The following PCDH11X variants were observed in gnomAD, a reference collection of about 807,000 sequenced individuals.
The protein encoded by PCDH11X is protocadherin-11 X-linked.
A neutral mutation model predicts 53.3 loss-of-function variants in PCDH11X; 18 were observed. That is an observed-to-expected ratio of 0.34 (90% CI 0.23 to 0.50). PCDH11X has a LOEUF of 0.50. Ranked by LOEUF, PCDH11X falls within the 20% of genes least tolerant of loss-of-function variation. The pLI is 0.98. For missense variants in PCDH11X, 570 were observed against 1,032.4 expected, an observed-to-expected ratio of 0.55 and a Z score of 6.14; for synonymous variants, 279 against 393.3, an observed-to-expected ratio of 0.71 and a Z score of 3.44.
At chrX:92,087,992 T>C (rs1386541661) in intron 6 of PCDH11X, among the ~76,000 whole-genome samples, 1 of 106,074 alleles carries the variant, frequency 9.4e-6, no homozygotes, top group Admixed American at 1.0e-4. Context: ...GAAATATATA[T>C]AAGCAATTTA....
chrX:92,328,370 A>C (rs1223069083), intron 8 of PCDH11X, among the ~76,000 whole-genome samples: 1 of 110,462 alleles, frequency 9.1e-6, no homozygotes, highest in African/African-American at 3.3e-5. Context: ...CAAATTAACT[A>C]TCTAAGGTTC....
At chrX:92,121,764 T>C (rs1469534951) in intron 6 of PCDH11X, among the ~76,000 whole-genome samples, 3 of 110,217 alleles carry the variant, frequency 2.7e-5, no homozygotes. Context: ...TCTCTCTCTG[T>C]TGCCAGGCTG....
chrX:92,179,731 A>T lies in PCDH11X; in HGVS notation c.3034-21644A>T, dbSNP rs1240430474. On this transcript the variant is annotated intron_variant, in intron 6 of 10. Transcript: ENST00000682573. Reference sequence around the variant, plus strand: ...TCCTTTTGAGCTTATTCAAAAGGCAATTAGAGGTAATACAGTTGTAGAAAT... The same window carrying T: ...TCCTTTTGAGCTTATTCAAAAGGCATTTAGAGGTAATACAGTTGTAGAAAT... Among the ~76,000 whole-genome samples, 3 of 112,116 alleles carry T rather than the reference A, an allele frequency of 2.7e-5. No homozygotes were observed. In the East Asian group the frequency reaches 8.4e-4, roughly 31 times the overall value.
At chrX:92,602,040 G>A (rs1406504293) in intron 10 of PCDH11X, among the ~76,000 whole-genome samples, 1 of 112,016 alleles carries the variant, frequency 8.9e-6, no homozygotes, top group Non-Finnish European at 1.9e-5. Flanking sequence ...GAAGACCAGA[G>A]GATACTTCAC....
intron 5 of PCDH11X, among the ~76,000 whole-genome samples, chrX:91,848,898 C>T (rs1416472357): frequency 1.8e-5 from 2 of 110,826 alleles, no homozygotes; most frequent in African/African-American, 6.6e-5. Context: ...TTCAACTATG[C>T]ATATCAGGAT....
intron 10 of PCDH11X, among the ~76,000 whole-genome samples, chrX:92,521,932 C>A (rs781219962): frequency 2.5e-4 from 28 of 111,259 alleles, no homozygotes; most frequent in African/African-American, 7.8e-4. Context: ...TAGAATTAAT[C>A]TTTTCTCTGG....
At chrX:92,378,856 A>G (rs1205644644) in intron 8 of PCDH11X, among the ~76,000 whole-genome samples, 3 of 113,257 alleles carry the variant, frequency 2.6e-5, no homozygotes, top group African/African-American at 9.6e-5. Context: ...ATTAGTGATT[A>G]TGTTTTAACA....
chrX:91,985,150 GTTTTCTGGTTATTTTTCCATA>G lies in PCDH11X; in HGVS notation c.3033+105880_3033+105900del, dbSNP rs777750085. On this transcript the variant is annotated intron_variant, in intron 6 of 10. Transcript: ENST00000682573. Reference sequence around the variant, plus strand: ...GTTCTATGGGTTTTGTAGCAGGAGAGTTTTCTGGTTATTTTTCCATATTAACAGAAATGGAAATCTACTAGG... The same window carrying G: ...GTTCTATGGGTTTTGTAGCAGGAGAGTTAACAGAAATGGAAATCTACTAGG... Among the ~76,000 whole-genome samples, 811 of 112,202 alleles carry G rather than the reference GTTTTCTGGTTATTTTTCCATA, an allele frequency of 7.2e-3. 5 individuals are homozygous for G. The highest frequency in any genetic ancestry group is 0.025 in the African/African-American group (767 of 30,882).
chrX:92,575,436 T>C (rs1922717586), intron 10 of PCDH11X, among the ~76,000 whole-genome samples: 1 of 109,845 alleles, frequency 9.1e-6, no homozygotes, highest in Middle Eastern at 4.7e-3. Flanking sequence ...GAAAAATTAT[T>C]ATAAATTATT....
intron 9 of PCDH11X, among the ~76,000 whole-genome samples, chrX:92,412,611 T>C (rs2148604647): frequency 9.9e-6 from 1 of 100,702 alleles, no homozygotes; most frequent in East Asian, 3.0e-4. Context: ...TAAACCAGCA[T>C]ACCCACACTC....
intron 8 of PCDH11X, among the ~76,000 whole-genome samples, chrX:92,322,590 C>A (rs2069240834): frequency 9.0e-6 from 1 of 111,309 alleles, no homozygotes. Context: ...ACATATATGA[C>A]ATATTTTATA....
chrX:92,514,328 G>T (rs2074217383), intron 10 of PCDH11X, among the ~76,000 whole-genome samples: 1 of 105,167 alleles, frequency 9.5e-6, no homozygotes, highest in Non-Finnish European at 2.0e-5. Context: ...CCAGCATTTT[G>T]TGAATAAGGA....
At position 91,965,797 on chromosome X, in the gene PCDH11X, G is replaced by T. The variant is rs35930985; in HGVS notation, c.3033+86524G>T. On this transcript the variant is annotated intron_variant, in intron 6 of 10. Coordinates refer to ENST00000682573, the MANE Select transcript of PCDH11X (RefSeq NM_032968.5). ...GAAGTCTATTAAAACCATACATTTG[G>T]TTTTCTCTAATTTTTAGAAGCCCAC... Among the ~76,000 whole-genome samples, 15 of 111,800 alleles carry T rather than the reference G, an allele frequency of 1.3e-4. No homozygotes were observed. In the South Asian group the frequency reaches 5.2e-3, roughly 39 times the overall value.
At chrX:92,258,616 C>T (rs1328040455) in intron 7 of PCDH11X, among the ~76,000 whole-genome samples, 1 of 111,160 alleles carries the variant, frequency 9.0e-6, no homozygotes, top group African/African-American at 3.3e-5. Context: ...ATCCACCTGC[C>T]TCGGCCTCCC....
At chrX:92,034,369 G>T in intron 6 of PCDH11X, among the ~76,000 whole-genome samples, 1 of 107,959 alleles carries the variant, frequency 9.3e-6, no homozygotes, top group South Asian at 4.3e-4. Context: ...ATTGTGTTGG[G>T]GTCTATTACT....
intron 9 of PCDH11X, among the ~76,000 whole-genome samples, chrX:92,418,377 C>T (rs980674707): frequency 1.8e-5 from 2 of 110,876 alleles, no homozygotes; most frequent in Non-Finnish European, 3.8e-5. Flanking sequence ...GAGGCAACAG[C>T]AGATATTCTT....
chrX:91,929,242 ATTTAG>A (rs1248805859), intron 6 of PCDH11X, among the ~76,000 whole-genome samples: 1 of 110,811 alleles, frequency 9.0e-6, no homozygotes, highest in Admixed American at 9.7e-5. Flanking sequence ...ACTGTGAATT[ATTTAG>A]TTTATATTGT....
Position 92,287,727 on chromosome X carries a change from C to A in PCDH11X, c.3144+24584C>A, listed in dbSNP as rs1272287539. Among the ~76,000 whole-genome samples, 4 of 111,853 alleles carry A rather than the reference C, an allele frequency of 3.6e-5. No individual in the cohort carries two copies. The East Asian group carries it at 8.5e-4, about 24-fold the overall frequency. On this transcript the variant is annotated intron_variant, in intron 8 of 10. Transcript: ENST00000682573. ...GCTTCGCACGCTAATAAATTGATAG[C>A]TAGCTAATTCTACTAAAATAGATCT...
At chrX:91,848,853 T>C (rs370423828) in intron 5 of PCDH11X, among the ~76,000 whole-genome samples, 3 of 111,700 alleles carry the variant, frequency 2.7e-5, no homozygotes, top group African/African-American at 9.7e-5. Flanking sequence ...CATTGACTCA[T>C]TGAACCTGCT....
Sources: gnomAD v4.1 joint callset for allele counts (sites outside exome capture counted in the v4.1 genomes callset) on GRCh38, gnomAD v4.1.1 for gene constraint, MANE v1.5 for transcripts, NCBI Gene and HGNC (gene_info 2026-07-23, HGNC 2026-07-21) for gene names.